Variants in CCDC14 observed in about 807,000 individuals in gnomAD.
CCDC14 encodes the protein coiled-coil domain-containing protein 14.
CCDC14 carries 71 observed loss-of-function variants against 81.4 expected under a neutral mutation model. The observed-to-expected ratio is 0.87, with a 90% CI of 0.72 to 1.06. The LOEUF is 1.06. CCDC14 is among the 50% of genes least tolerant of loss of function. CCDC14 has a pLI of 0.00. For synonymous variants in CCDC14, 332 were observed against 364.8 expected, an observed-to-expected ratio of 0.91 and a Z score of 1.03; for missense variants, 1,046 against 1,047.3, an observed-to-expected ratio of 1.00 and a Z score of 0.02.
At chr3:123,939,769 A>T (rs1264563750) in intron 9 of CCDC14, among the ~76,000 whole-genome samples, 1 of 151,902 alleles carries the variant, frequency 6.6e-6, no homozygotes, top group African/African-American at 2.4e-5. Flanking sequence ...CTAGAAATAT[A>T]GTTGCAAACT....
At chr3:123,920,819 C>T (rs569771573) in intron 12 of CCDC14, among the ~76,000 whole-genome samples, 14 of 152,048 alleles carry the variant, frequency 9.2e-5, no homozygotes, top group East Asian at 3.9e-4. Flanking sequence ...GTATGTAAAG[C>T]GATTTTATCC....
chr3:123,917,825 G>A (rs1478884334), intron 12 of CCDC14, among the ~76,000 whole-genome samples: 2 of 151,782 alleles, frequency 1.3e-5, no homozygotes, highest in Non-Finnish European at 2.9e-5. Flanking sequence ...CACACTCTTT[G>A]GCCCACCAAT....
chr3:123,948,704 G>T lies in CCDC14; in HGVS notation c.671C>A (p.Pro224Gln), dbSNP rs1434031656. The T allele has an allele frequency of 3.7e-6, 6 of 1,600,112 alleles. No individual in the cohort carries two copies. The East Asian group carries it at 1.3e-4, about 36-fold the overall frequency. ...AACTGTACGCACAGAATGAACCTTT[G>T]GAGGGCAGGGTGGCCGCTGAAGTGA... Reference protein sequence around the residue: ...VWSLQRPPCPPKVHSEVQTDG... With the variant: ...VWSLQRPPCPQKVHSEVQTDG... The change falls in exon 7 of 13, where the codon CCA becomes CAA. Residue 224 changes from proline to glutamine, a missense_variant. By Grantham distance (76) the Pro-to-Gln change is moderately conservative (BLOSUM62 -1). Coordinates refer to ENST00000409697, the MANE Select transcript of CCDC14 (RefSeq NM_001366335.1).
the CCDC14 span, among the ~76,000 whole-genome samples, chr3:123,885,991 T>C: frequency 6.6e-6 from 1 of 152,212 alleles, no homozygotes; most frequent in South Asian, 2.1e-4. Context: ...CTGTCATTCT[T>C]AGATTTCTTT....
rs1451550111 is a variant in CCDC14 at position 123,914,927 on chromosome 3, G to A, written c.2570C>T (p.Thr857Ile). Reference protein sequence around the residue: ...GNTVCDGSVFTSDLMSDWSIS... With the variant: ...GNTVCDGSVFISDLMSDWSIS... ...GCTCCAGTCAGACATCAAGTCAGAA[G>A]TGAAAACACTACCATCACAGACAGT... The change falls in exon 13 of 13, where the codon ACT (threonine) becomes ATT (isoleucine). Residue 857 changes from threonine to isoleucine, a missense_variant. Physicochemically the swap from Thr to Ile is moderately conservative, Grantham distance 89. Coordinates refer to ENST00000409697, the MANE Select transcript of CCDC14 (RefSeq NM_001366335.1). The A allele has an allele frequency of 5.0e-6, 8 of 1,614,054 alleles. No homozygotes were observed. Among genetic ancestry groups the A allele is most frequent in the Non-Finnish European group, 6.8e-6 (8 of 1,179,884 alleles).
chr3:123,956,930 A>T, intron 1 of CCDC14, 135 bp from the exon 2 acceptor site: 1 of 541,770 alleles, frequency 1.8e-6, no homozygotes, highest in Non-Finnish European at 3.2e-6. Flanking sequence ...CCATTAAACA[A>T]TACCTTTCCA....
chr3:123,951,917 C>T (rs891976871), intron 5 of CCDC14, among the ~76,000 whole-genome samples: 2 of 152,042 alleles, frequency 1.3e-5, no homozygotes, highest in Admixed American at 6.6e-5. Context: ...CTTTACTTAA[C>T]GATATGAAGT....
At chr3:123,905,019 G>A (rs1468293507) in intron 5 of CCDC14, among the ~76,000 whole-genome samples, 1 of 152,142 alleles carries the variant, frequency 6.6e-6, no homozygotes, top group Non-Finnish European at 1.5e-5. Context: ...GAGAGAGAGA[G>A]AGAATAAACA....
chr3:123,911,249 G>A (rs2034438278), downstream of CCDC14, among the ~76,000 whole-genome samples: 1 of 152,174 alleles, frequency 6.6e-6, no homozygotes, highest in Non-Finnish European at 1.5e-5. Context: ...GGGAGGGTTA[G>A]CTCAAGACAA....
At chr3:123,894,949 A>G (rs554453143), downstream of CCDC14, among the ~76,000 whole-genome samples, 1 of 152,330 alleles carries the variant, frequency 6.6e-6, no homozygotes, top group African/African-American at 2.4e-5. Flanking sequence ...GTGACTAGAG[A>G]CAAAGAGGAT....
In CCDC14 at chr3:123,915,605, AGTT is replaced by A. The variant is rs780000987; in HGVS notation, c.1889_1891del (p.Gln630del). The A allele has an allele frequency of 5.0e-6, 8 of 1,613,874 alleles. No homozygotes were observed. The African/African-American group carries it at 1.1e-4, about 22-fold the overall frequency. On this transcript the variant is annotated inframe_deletion, in exon 13 of 13. Transcript: ENST00000409697. ...GTGAGCAGGAGCTGGGTCATGTTGA[AGTT>A]GTTTATCATGAATGTTCAAGAGTGA...
the CCDC14 span, among the ~76,000 whole-genome samples, chr3:123,887,133 A>T: frequency 6.6e-6 from 1 of 152,136 alleles, no homozygotes; most frequent in South Asian, 2.1e-4. Context: ...TTTTATAGTT[A>T]TACTCTATCT....
downstream of CCDC14, among the ~76,000 whole-genome samples, chr3:123,908,619 T>C (rs188736095): frequency 2.6e-5 from 4 of 152,324 alleles, no homozygotes; most frequent in East Asian, 5.8e-4. Flanking sequence ...TACAAAACTA[T>C]AATTTAAATT....
downstream of CCDC14, among the ~76,000 whole-genome samples, chr3:123,910,484 A>G (rs1321257989): frequency 1.3e-5 from 2 of 152,016 alleles, no homozygotes; most frequent in Non-Finnish European, 2.9e-5. Context: ...AGTGCCCTGC[A>G]GTTTTCCAGT....
rs72962736 is a variant in CCDC14, at chr3:123,907,285, G to T, written c.668-9672C>A. 8.4e-3 allele frequency among the ~76,000 whole-genome samples: 1,273 copies of T among 152,240 alleles called. 13 individuals are homozygous for T. Among genetic ancestry groups the T allele is most frequent in the African/African-American group, 0.027 (1,137 of 41,538 alleles). On this transcript the variant is annotated intron_variant, in intron 5 of 5. Coordinates refer to the CCDC14 transcript ENST00000479903. ...ACTGGAATTTTCCTTAATATTTAGA[G>T]TTTTATGCATTAATTTGTTTGGTGT...
At chr3:123,889,663 A>G in the CCDC14 span, among the ~76,000 whole-genome samples, 2 of 152,166 alleles carry the variant, frequency 1.3e-5, no homozygotes, top group African/African-American at 4.8e-5. Context: ...CAGCTTTTCC[A>G]GGTGCATGGT....
Position 123,915,006 on chromosome 3 carries a change from C to G in CCDC14, c.2491G>C (p.Ala831Pro), listed in dbSNP as rs778473628. ...AGACAACCTGATGGGCCATGACATG[C>G]AGTTTGTTCCTCTGGCTCCTTGGTG... ...AATKEPEEQT[A>P]CHGPSGCLSN... Residue 831 changes from alanine to proline, a missense_variant, in exon 13 of 13, where the codon GCA becomes CCA. Physicochemically the swap from Ala to Pro is conservative, Grantham distance 27. Transcript: ENST00000409697. 6.2e-6 allele frequency: 10 copies of G among 1,613,914 alleles called. No individual in the cohort carries two copies. The highest frequency in any genetic ancestry group is 1.3e-5 in the African/African-American group (1 of 74,948).
intron 10 of CCDC14, among the ~76,000 whole-genome samples, chr3:123,932,727 G>T (rs928022988): frequency 2.6e-5 from 4 of 152,030 alleles, no homozygotes; most frequent in African/African-American, 9.7e-5. Flanking sequence ...GATCATTAAG[G>T]ACAATTTGGC....
intron 9 of CCDC14, among the ~76,000 whole-genome samples, chr3:123,936,890 C>G (rs2036086564): frequency 6.6e-6 from 1 of 151,952 alleles, no homozygotes; most frequent in Admixed American, 6.6e-5. Flanking sequence ...CCTCATAGCC[C>G]TTTTCATAAC....
Sources: allele counts gnomAD v4.1 joint callset (sites outside exome capture counted in the v4.1 genomes callset), GRCh38; gene constraint gnomAD v4.1.1; transcripts MANE v1.5; gene names NCBI Gene and HGNC (gene_info 2026-07-23, HGNC 2026-07-21).